Variants in TRAPPC11 observed in about 807,000 individuals in gnomAD.
TRAPPC11 encodes the protein trafficking protein particle complex subunit 11, also known as foie gras homolog.
Under a neutral mutation model 151.2 loss-of-function variants are expected in TRAPPC11, and 104 were observed. The ratio of observed to expected loss-of-function variants is 0.69; its 90% CI spans 0.59 to 0.81. The LOEUF (loss-of-function observed/expected upper bound fraction) is 0.81. Ranked by LOEUF, TRAPPC11 falls within the 30% of genes least tolerant of loss-of-function variation. The pLI, the probability that TRAPPC11 is intolerant of heterozygous loss-of-function variation, is 0.00. For missense variants in TRAPPC11, 1,230 were observed against 1,349.6 expected (o/e 0.91, Z 1.39); for synonymous variants, 456 against 472.3 (o/e 0.97, Z 0.45).
intron 5 of TRAPPC11, among the ~76,000 whole-genome samples, chr4:183,669,214 G>A (rs1283090083): frequency 6.6e-6 from 1 of 152,090 alleles, no homozygotes; most frequent in Non-Finnish European, 1.5e-5. Context: ...TGGTGCCCAG[G>A]GTAACATTGA....
intron 2 of TRAPPC11, among the ~76,000 whole-genome samples, chr4:183,665,224 G>A (rs145934541): frequency 0.037 from 5,582 of 150,788 alleles, 215 homozygotes; most frequent in African/African-American, 0.1. Flanking sequence ...CCTCCCGAGT[G>A]GCTGGGACTA....
chr4:183,700,370 A>G (rs1736744767), intron 25 of TRAPPC11, among the ~76,000 whole-genome samples: 1 of 152,170 alleles, frequency 6.6e-6, no homozygotes, highest in Non-Finnish European at 1.5e-5. Flanking sequence ...TCAGACCTCC[A>G]TTGATCTGTC....
At chr4:183,703,651 G>C (rs200733921) in intron 26 of TRAPPC11, among the ~76,000 whole-genome samples, 1 of 152,112 alleles carries the variant, frequency 6.6e-6, no homozygotes. Context: ...TGGGAGGATC[G>C]CTGGAGCTCA....
rs139148244 is a variant in TRAPPC11, at chr4:183,696,578, G to A, written c.2629-925G>A. 2.4e-3 allele frequency among the ~76,000 whole-genome samples: 362 copies of A among 151,982 alleles called. 1 individual carries two copies. Among genetic ancestry groups the A allele is most frequent in the African/African-American group, 8.3e-3 (343 of 41,460 alleles). On this transcript the variant is annotated intron_variant, in intron 23 of 29. Coordinates refer to ENST00000334690, the MANE Select transcript of TRAPPC11 (RefSeq NM_021942.6). Reference sequence around the variant, plus strand: ...ACTCAGCAGATTTTTTATATTTTTGGTAGAGACAGGGTTGTGCCATGTTGC... The same window carrying A: ...ACTCAGCAGATTTTTTATATTTTTGATAGAGACAGGGTTGTGCCATGTTGC...
At position 183,664,201 on chromosome 4, in the gene TRAPPC11, A is replaced by G. The variant is rs1734723437; in HGVS notation, c.204+130A>G. 1.1e-5 allele frequency: 8 copies of G among 740,460 alleles called. No homozygotes were observed. In the South Asian group the frequency reaches 1.4e-4, roughly 13 times the overall value. 45.9% of individuals were successfully genotyped at this position (740,460 alleles called of 1,614,324 possible). A position where few individuals can be genotyped will look rare whatever the true frequency, so the allele number is the denominator to read the frequency against. On this transcript the variant is annotated intron_variant, in intron 2 of 29. Coordinates refer to ENST00000334690, the MANE Select transcript of TRAPPC11 (RefSeq NM_021942.6). The stretch of plus-strand genomic sequence containing the variant: ...CACAGTGGTGCATAAAGAAAGCCTT[A>G]GGCATTTTCATGTAATACACTGCAT...
intron 26 of TRAPPC11, among the ~76,000 whole-genome samples, chr4:183,704,362 A>G (rs532483985): frequency 9.2e-5 from 14 of 152,120 alleles, no homozygotes; most frequent in Non-Finnish European, 1.6e-4. Context: ...CTCTGCTAAA[A>G]ATACAAAAAT....
In TRAPPC11 at chr4:183,693,033, G is replaced by A. The variant is rs1190622743; in HGVS notation, c.2123G>A (p.Gly708Glu). The change falls in exon 20 of 30, where the codon GGA (glycine) becomes GAA (glutamate). Residue 708 changes from glycine to glutamate, a missense_variant. Gly to Glu is a moderately conservative substitution (Grantham distance 98, BLOSUM62 -2). Transcript: ENST00000334690. The part of the protein sequence containing the change: ...CVVLNWQGGG[G>E]DAASSQEALQ... ...GTTTTAAATTGGCAGGGAGGAGGAGGAGATGCTGCTTCCTCCCAAGAAGCC... is the reference window on the plus strand; with the variant it reads ...GTTTTAAATTGGCAGGGAGGAGGAGAAGATGCTGCTTCCTCCCAAGAAGCC... The A allele has an allele frequency of 6.2e-7, 1 of 1,613,652 alleles. No homozygotes were observed. Among genetic ancestry groups the A allele is most frequent in the Non-Finnish European group, 8.5e-7 (1 of 1,179,842 alleles).
rs1385988974 is a variant in TRAPPC11 at position 183,668,063 on chromosome 4, G to C, written c.506G>C (p.Gly169Ala). ...AALCNACELSGKSLFVLPHTD... is the reference protein window; with the variant it reads ...AALCNACELSAKSLFVLPHTD... ...TTATGCAATGCATGTGAACTCTCAGGAAAGTCTTTGTTTGTACTGCCGCAC... is the reference window on the plus strand; with the variant it reads ...TTATGCAATGCATGTGAACTCTCAGCAAAGTCTTTGTTTGTACTGCCGCAC... The change falls in exon 5 of 30, where the codon GGA (glycine) becomes GCA (alanine). Residue 169 changes from glycine to alanine, a missense_variant. Transcript: ENST00000334690. 6.2e-7 allele frequency: 1 copy of C among 1,613,856 alleles called. No homozygotes were observed. The highest frequency in any genetic ancestry group is 1.3e-5 in the African/African-American group (1 of 74,926).
intron 11 of TRAPPC11, 108 bp downstream of exon 11, chr4:183,682,933 A>G (rs1735772475): frequency 1.3e-6 from 1 of 745,684 alleles, no homozygotes; most frequent in South Asian, 1.7e-5. Context: ...TTGAAGTAAA[A>G]ATGTGTGCTT....
rs559871613 is a variant in TRAPPC11, at chr4:183,700,644, A to G, written c.2852-1053A>G. 2.6e-5 allele frequency among the ~76,000 whole-genome samples: 4 copies of G among 152,188 alleles called. No homozygotes were observed. In the South Asian group the frequency reaches 8.3e-4, roughly 32 times the overall value. ...CATTCTTGCACAGAGGTGAATGGCC[A>G]TGTGAGGCAATAGTGAGGCGGTATG... On this transcript the variant is annotated intron_variant, in intron 25 of 29. Transcript: ENST00000334690.
chr4:183,664,251 T>C (rs193157807), intron 2 of TRAPPC11, among the ~76,000 whole-genome samples, 180 bp downstream of exon 2: 37 of 152,312 alleles, frequency 2.4e-4, no homozygotes, highest in Non-Finnish European at 4.4e-4. Context: ...AGTTCTTTTT[T>C]TTTAAACTCC....
chr4:183,687,700 A>G (rs1736053835), intron 18 of TRAPPC11, among the ~76,000 whole-genome samples: 1 of 152,166 alleles, frequency 6.6e-6, no homozygotes, highest in South Asian at 2.1e-4. Context: ...TTAAAAAAAC[A>G]TTTGGTTTAT....
chr4:183,697,453 A>G, intron 23 of TRAPPC11, 50 bp from the exon 24 acceptor site: 2 of 1,553,062 alleles, frequency 1.3e-6, no homozygotes, highest in Non-Finnish European at 1.7e-6. Flanking sequence ...AAAACTTTAT[A>G]TAAAAAGATT....
chr4:183,660,682 C>T (rs1376680951), intron 1 of TRAPPC11, among the ~76,000 whole-genome samples: 1 of 152,124 alleles, frequency 6.6e-6, no homozygotes. Context: ...TCATATTAAG[C>T]AAAGGGGCCC....
At position 183,708,741 on chromosome 4, in the gene TRAPPC11, A is replaced by G. The variant is rs4404589; in HGVS notation, c.3357+167A>G. ...CTGTTCATTTCTATAGTTACTTTTT[A>G]TAGAATCTAATTTCAAAGATTGTAT... is the stretch of plus-strand genomic sequence containing the variant. On this transcript the variant is annotated intron_variant, in intron 29 of 29. Transcript: ENST00000334690. Among the ~76,000 whole-genome samples, 42,953 of 152,054 alleles carry G rather than the reference A, an allele frequency of 0.28. 6,830 individuals carry two copies. The highest frequency in any genetic ancestry group is 0.44 in the African/African-American group (18,170 of 41,468).
chr4:183,671,127 T>C (rs923283212), intron 5 of TRAPPC11, among the ~76,000 whole-genome samples: 9 of 152,108 alleles, frequency 5.9e-5, no homozygotes, highest in Non-Finnish European at 8.8e-5. Context: ...CGGCCTCCCA[T>C]AGTGCTGGGA....
At chr4:183,685,013 A>T (rs969739301) in intron 15 of TRAPPC11, 71 bp from the exon 16 acceptor site, 43 of 1,482,638 alleles carry the variant, frequency 2.9e-5, no homozygotes, top group Non-Finnish European at 3.8e-5. Flanking sequence ...TCAAGTTTCT[A>T]AAACAATAAA....
intron 18 of TRAPPC11, 111 bp from the exon 19 acceptor site, chr4:183,691,205 C>A: frequency 1.2e-6 from 1 of 807,220 alleles, no homozygotes. Context: ...TATTAGTAAC[C>A]CTTCATAATG....
intron 5 of TRAPPC11, among the ~76,000 whole-genome samples, chr4:183,669,470 A>G (rs1348233367): frequency 6.6e-6 from 1 of 152,110 alleles, no homozygotes; most frequent in African/African-American, 2.4e-5. Flanking sequence ...AGATGCTTTC[A>G]TAGTCATGCC....
Sources: gnomAD v4.1 joint callset for allele counts (sites outside exome capture counted in the v4.1 genomes callset) on GRCh38, gnomAD v4.1.1 for gene constraint, MANE v1.5 for transcripts, NCBI Gene and HGNC (gene_info 2026-07-23, HGNC 2026-07-21) for gene names.